Variants in SEC61A2 observed in about 807,000 individuals in gnomAD.
SEC61A2 encodes the protein protein transport protein Sec61 subunit alpha isoform 2.
Under a neutral mutation model 59.9 loss-of-function variants are expected in SEC61A2, and 28 were observed. The observed-to-expected ratio is 0.47, with a 90% CI of 0.35 to 0.64. The LOEUF (loss-of-function observed/expected upper bound fraction) is 0.64. SEC61A2 is among the 30% of genes least tolerant of loss of function. SEC61A2 has a pLI of 0.01. For missense variants in SEC61A2, 340 were observed against 585.9 expected (o/e 0.58, Z 4.33); for synonymous variants, 202 against 214.4 (o/e 0.94, Z 0.50).
In SEC61A2 at chr10:12,143,188, C is replaced by T; in HGVS notation, c.213C>T (p.Ser71=). ...PFYWMRVILA[S]NRGTLMELGI... ...ACTGGATGAGAGTTATTCTGGCTTCCAATAGAGGTATGCGTGTCTTTTCTG... is the reference window on the plus strand; with the variant it reads ...ACTGGATGAGAGTTATTCTGGCTTCTAATAGAGGTATGCGTGTCTTTTCTG... The change falls in exon 4 of 12, where the codon TCC becomes TCT. Residue 71 remains serine (S), a synonymous_variant. Coordinates refer to ENST00000298428, the MANE Select transcript of SEC61A2 (RefSeq NM_018144.4). The surrounding 1 kb of genome is among the most constrained non-coding windows in gnomAD (Gnocchi z 4.8). 6.2e-7 allele frequency: 1 copy of T among 1,608,822 alleles called. No homozygotes were observed. Among genetic ancestry groups the T allele is most frequent in the African/African-American group, 1.3e-5 (1 of 74,852 alleles).
In SEC61A2 at chr10:12,156,446, C is replaced by T. The variant is rs1053974659; in HGVS notation, c.617-461C>T. Reference sequence around the variant, plus strand: ...CTGTCCTAAGTGGTTAATACCTAAACTCTGATCCCAGCCTTAAGAAAACTG... The same window carrying T: ...CTGTCCTAAGTGGTTAATACCTAAATTCTGATCCCAGCCTTAAGAAAACTG... On this transcript the variant is annotated intron_variant, in intron 7 of 11. Coordinates refer to ENST00000298428, the MANE Select transcript of SEC61A2 (RefSeq NM_018144.4). This position sits in a 1 kb window ranked among gnomAD's most constrained non-coding sequence, Gnocchi z 5.2. 1.3e-5 allele frequency among the ~76,000 whole-genome samples: 2 copies of T among 152,176 alleles called. No homozygotes were observed. The highest frequency in any genetic ancestry group is 3.8e-4 in the East Asian group (2 of 5,200).
intron 4 of SEC61A2, among the ~76,000 whole-genome samples, chr10:12,146,052 C>T (rs1283562469): frequency 2.6e-5 from 4 of 152,160 alleles, no homozygotes; most frequent in Admixed American, 6.5e-5. Flanking sequence ...CCAAATTTCG[C>T]TCTTGTTGCC....
chr10:12,133,308 A>G lies in SEC61A2; in HGVS notation c.75A>G (p.Lys25=). 6.6e-7 allele frequency: 1 copy of G among 1,509,912 alleles called. No individual in the cohort carries two copies. Among genetic ancestry groups the G allele is most frequent in the Non-Finnish European group, 9.2e-7 (1 of 1,088,586 alleles). The allele number at this position is 1,509,912 out of a possible 1,614,324, so 93.5% of individuals were successfully genotyped here. A position where few individuals can be genotyped will look rare whatever the true frequency, so the allele number is the denominator to read the frequency against. ...CAGAAATTCAGAAACCGGAAAGGAA[A>G]GTAAGTATAATATTTTAGTAATATA... ...VLPEIQKPER[K]IQFREKVLWT... is the part of the protein sequence containing the mutation. The change falls in exon 2 of 12, where the codon AAA becomes AAG. Residue 25 remains lysine, a splice_region_variant and synonymous_variant. Transcript: ENST00000298428.
chr10:12,132,559 A>G (rs963469679), intron 1 of SEC61A2, among the ~76,000 whole-genome samples: 3 of 151,290 alleles, frequency 2.0e-5, no homozygotes, highest in Middle Eastern at 3.4e-3. Context: ...GGTTGCACTG[A>G]GCCGAGATCG....
chr10:12,154,160 C>T lies in SEC61A2; in HGVS notation c.463-1618C>T, dbSNP rs1834344681. 1.3e-5 allele frequency among the ~76,000 whole-genome samples: 2 copies of T among 152,276 alleles called. No individual in the cohort carries two copies. The highest frequency in any genetic ancestry group is 4.1e-4 in the South Asian group (2 of 4,820). On this transcript the variant is annotated intron_variant, in intron 6 of 11. Coordinates refer to ENST00000298428, the MANE Select transcript of SEC61A2 (RefSeq NM_018144.4). This position sits in a 1 kb window ranked among gnomAD's most constrained non-coding sequence, Gnocchi z 5.2. ...AGGGTTCTGGTCCCATCACTGTAGA[C>T]GCTGCTGTCACTTCCTGGGTTCTCA...
Position 12,162,993 on chromosome 10 carries a change from T to G in SEC61A2, c.1244+704T>G, listed in dbSNP as rs1834565097. On this transcript the variant is annotated intron_variant, in intron 11 of 11. Transcript: ENST00000298428. This position sits in a 1 kb window ranked among gnomAD's most constrained non-coding sequence, Gnocchi z 6.1. ...TTCAATTGTAGGGCTTTACCACACTTTATCAGTTGATAGAAATCTGGGTTG... is the reference window on the plus strand; with the variant it reads ...TTCAATTGTAGGGCTTTACCACACTGTATCAGTTGATAGAAATCTGGGTTG... Among the ~76,000 whole-genome samples, 1 of 152,222 alleles carries G rather than the reference T, an allele frequency of 6.6e-6. No individual in the cohort carries two copies. The highest frequency in any genetic ancestry group is 2.1e-4 in the South Asian group (1 of 4,836).
chr10:12,166,908 C>A (rs1834712748), downstream of SEC61A2: 1 of 319,150 alleles, frequency 3.1e-6, no homozygotes, highest in South Asian at 2.6e-5. Context: ...ACTGGCTGAT[C>A]TTGCTGGTTC....
intron 3 of SEC61A2, among the ~76,000 whole-genome samples, chr10:12,137,656 G>A (rs530850176): frequency 1.3e-5 from 2 of 152,292 alleles, no homozygotes; most frequent in South Asian, 4.1e-4. Flanking sequence ...CACAGTGTGA[G>A]TATAAAATGT....
In SEC61A2 at chr10:12,156,851, C is replaced by T; in HGVS notation, c.617-56C>T. Reference sequence around the variant, plus strand: ...GGACTTTCACGGTTAGTTGTTTGAGCTTTGGGACAGCTTTGGACGATGAGT... The same window carrying T: ...GGACTTTCACGGTTAGTTGTTTGAGTTTTGGGACAGCTTTGGACGATGAGT... On this transcript the variant is annotated intron_variant, in intron 7 of 11. Coordinates refer to ENST00000298428, the MANE Select transcript of SEC61A2 (RefSeq NM_018144.4). The surrounding 1 kb of genome is among the most constrained non-coding windows in gnomAD (Gnocchi z 5.2). 6.4e-7 allele frequency: 1 copy of T among 1,574,398 alleles called. No individual in the cohort carries two copies. Among genetic ancestry groups the T allele is most frequent in the Non-Finnish European group, 8.6e-7 (1 of 1,161,170 alleles).
At chr10:12,166,747 A>G (rs750275957), downstream of SEC61A2, 14 of 507,528 alleles carry the variant, frequency 2.8e-5, no homozygotes, top group East Asian at 2.3e-4. Context: ...GGAGGCCCTA[A>G]AAGTCAACAC....
chr10:12,139,752 C>T (rs1316220853), intron 3 of SEC61A2, among the ~76,000 whole-genome samples: 1 of 151,920 alleles, frequency 6.6e-6, no homozygotes, highest in Non-Finnish European at 1.5e-5. Context: ...CCACTGCACT[C>T]CAGTCTGGGC....
chr10:12,135,538 G>C (rs993987901), intron 2 of SEC61A2, among the ~76,000 whole-genome samples: 2 of 152,098 alleles, frequency 1.3e-5, no homozygotes, highest in African/African-American at 4.8e-5. Context: ...TGAAGTCTGG[G>C]CTTTGAGTGT....
downstream of SEC61A2, chr10:12,169,363 G>A (rs749290425): frequency 1.1e-5 from 15 of 1,416,958 alleles, no homozygotes; most frequent in East Asian, 5.1e-5. The surrounding 1 kb of genome is among the most constrained non-coding windows in gnomAD (Gnocchi z 4.8). Context: ...ACTTGCCTAC[G>A]TCACCCTGCT....
intron 2 of SEC61A2, among the ~76,000 whole-genome samples, chr10:12,134,451 C>A (rs149899677): frequency 6.6e-6 from 1 of 152,190 alleles, no homozygotes; most frequent in Non-Finnish European, 1.5e-5. Flanking sequence ...GCAGTGTTCA[C>A]CGAATCGCGT....
chr10:12,141,904 A>C (rs1269822238), intron 3 of SEC61A2, among the ~76,000 whole-genome samples: 1 of 152,198 alleles, frequency 6.6e-6, no homozygotes, highest in Non-Finnish European at 1.5e-5. Context: ...CTGCGAAACC[A>C]ATGAATGAGG....
chr10:12,155,834 C>T lies in SEC61A2; in HGVS notation c.519C>T (p.Tyr173=), dbSNP rs373284908. 2.5e-6 allele frequency: 4 copies of T among 1,614,196 alleles called. No homozygotes were observed. Among genetic ancestry groups the T allele is most frequent in the Non-Finnish European group, 3.4e-6 (4 of 1,180,020 alleles). Residue 173 remains tyrosine, a synonymous_variant, in exon 7 of 12, where the codon TAC becomes TAT. Transcript: ENST00000298428. This position sits in a 1 kb window ranked among gnomAD's most constrained non-coding sequence, Gnocchi z 4.3. ...TAGATGAGCTGCTACAGAAGGGTTACGGCTTGGGGTCTGGGATTTCCCTCT... is the reference window on the plus strand; with the variant it reads ...TAGATGAGCTGCTACAGAAGGGTTATGGCTTGGGGTCTGGGATTTCCCTCT... The part of the protein sequence containing the change: ...LLLDELLQKG[Y]GLGSGISLFI...
intron 1 of SEC61A2, 144 bp from the exon 2 acceptor site, chr10:12,133,097 G>C: frequency 1.9e-6 from 1 of 519,110 alleles, no homozygotes; most frequent in Admixed American, 3.3e-5. Flanking sequence ...ATTTGAAATG[G>C]AGAACAGTAT....
chr10:12,164,533 TCCCCTTTTCTCCC>T lies in SEC61A2; in HGVS notation c.*81_*93del, dbSNP rs1834617387. The T allele has an allele frequency of 2.0e-6, 3 of 1,528,722 alleles. No individual in the cohort carries two copies. The East Asian group carries it at 6.9e-5, about 35-fold the overall frequency. The allele number at this position is 1,528,722 out of a possible 1,614,324, so 94.7% of individuals were successfully genotyped here. ...GTTTTTGTCAGATGACACTGGTGGCTCCCCTTTTCTCCCCTCACAGTTTCTTGTTTCGAGTGCT... is the reference window on the plus strand; with the variant it reads ...GTTTTTGTCAGATGACACTGGTGGCTCTCACAGTTTCTTGTTTCGAGTGCT... On this transcript the variant is annotated 3_prime_UTR_variant, in exon 12 of 12. Coordinates refer to ENST00000298428, the MANE Select transcript of SEC61A2 (RefSeq NM_018144.4). This position sits in a 1 kb window ranked among gnomAD's most constrained non-coding sequence, Gnocchi z 7.3.
downstream of SEC61A2, chr10:12,169,776 G>T: frequency 4.0e-6 from 1 of 249,458 alleles, no homozygotes. This position sits in a 1 kb window ranked among gnomAD's most constrained non-coding sequence, Gnocchi z 4.8. Flanking sequence ...AAAACCAGGC[G>T]CTCTGCTTAT....
Sources: allele counts gnomAD v4.1 joint callset (sites outside exome capture counted in the v4.1 genomes callset), GRCh38; gene constraint gnomAD v4.1.1; non-coding constraint Gnocchi (gnomAD v3.1); transcripts MANE v1.5; gene names NCBI Gene and HGNC (gene_info 2026-07-23, HGNC 2026-07-21).